SETBP1: variants seen among roughly 807,000 people sequenced by gnomAD.
SETBP1 encodes SET-binding protein.
Under a neutral mutation model 101.0 loss-of-function variants are expected in SETBP1, and 9 were observed. That is an observed-to-expected ratio of 0.09 (90% CI 0.05 to 0.16). SETBP1 has a LOEUF of 0.16. Ranked by LOEUF, SETBP1 falls within the 10% of genes least tolerant of loss-of-function variation. The probability of loss-of-function intolerance (pLI) is 1.00; values close to 1 mark genes in which losing one functional copy is unlikely to be tolerated. For missense variants in SETBP1, 1,858 were observed against 2,033.8 expected, an observed-to-expected ratio of 0.91 and a Z score of 1.66; for synonymous variants, 818 against 788.5, an observed-to-expected ratio of 1.04 and a Z score of -0.63.
upstream of SETBP1, among the ~76,000 whole-genome samples, chr18:44,680,595 G>T (rs2068742686): frequency 6.6e-6 from 1 of 152,188 alleles, no homozygotes; most frequent in East Asian, 1.9e-4. Flanking sequence ...GTCCGGGCGA[G>T]GTTGCAGGAG....
At chr18:44,946,179 C>T (rs2071202771) in intron 3 of SETBP1, among the ~76,000 whole-genome samples, 1 of 152,206 alleles carries the variant, frequency 6.6e-6, no homozygotes, top group African/African-American at 2.4e-5. Context: ...GCACCATTCC[C>T]CCCATTACTC....
intron 4 of SETBP1, among the ~76,000 whole-genome samples, chr18:44,990,927 G>GAAAAA (rs996043221): frequency 4.8e-5 from 3 of 63,076 alleles, no homozygotes; most frequent in Non-Finnish European, 6.6e-5. Context: ...CAGAGAGAGA[G>GAAAAA]AAAAAAAAAA....
At chr18:44,755,132 A>G (rs936634699) in intron 2 of SETBP1, among the ~76,000 whole-genome samples, 1 of 152,244 alleles carries the variant, frequency 6.6e-6, no homozygotes, top group African/African-American at 2.4e-5. Context: ...ATCTTGGACA[A>G]AACAGCTTTT....
chr18:44,691,750 G>T (rs181962895), intron 1 of SETBP1, among the ~76,000 whole-genome samples: 12 of 152,274 alleles, frequency 7.9e-5, no homozygotes, highest in African/African-American at 2.6e-4. Flanking sequence ...CTGATAAAAA[G>T]GTGGAAGGTA....
At chr18:44,686,547 C>G (rs547799069) in intron 1 of SETBP1, among the ~76,000 whole-genome samples, 2 of 152,190 alleles carry the variant, frequency 1.3e-5, no homozygotes, top group Non-Finnish European at 2.9e-5. Flanking sequence ...TCACTTACCC[C>G]CTCCAAGCTC....
chr18:44,713,772 A>G (rs1230063047), intron 2 of SETBP1, among the ~76,000 whole-genome samples: 6 of 152,190 alleles, frequency 3.9e-5, no homozygotes, highest in African/African-American at 1.4e-4. Flanking sequence ...ATCACATCCG[A>G]TAGTCAGTCG....
intron 5 of SETBP1, among the ~76,000 whole-genome samples, chr18:45,055,819 C>T (rs1338171048): frequency 1.3e-5 from 2 of 151,990 alleles, no homozygotes; most frequent in Non-Finnish European, 2.9e-5. Context: ...ACTCTTCATT[C>T]GAAAGTAGTT....
At chr18:44,976,141 C>T (rs1191783771) in intron 4 of SETBP1, among the ~76,000 whole-genome samples, 2 of 151,422 alleles carry the variant, frequency 1.3e-5, no homozygotes, top group Non-Finnish European at 1.5e-5. Flanking sequence ...TGCACATAGA[C>T]ACCAGAGCTT....
At chr18:44,973,754 C>G (rs1037179433) in intron 4 of SETBP1, among the ~76,000 whole-genome samples, 2 of 152,148 alleles carry the variant, frequency 1.3e-5, no homozygotes, top group African/African-American at 4.8e-5. Flanking sequence ...AGGGCTGCCT[C>G]ATGGGGCATG....
Position 44,720,724 on chromosome 18 carries a change from A to G in SETBP1, c.486+18892A>G, listed in dbSNP as rs72907615. Among the ~76,000 whole-genome samples, 952 of 152,242 alleles carry G rather than the reference A, an allele frequency of 6.3e-3. 12 individuals are homozygous for G. Among genetic ancestry groups the G allele is most frequent in the Non-Finnish European group, 0.011 (715 of 68,004 alleles). On this transcript the variant is annotated intron_variant, in intron 2 of 5. Coordinates refer to ENST00000649279, the MANE Select transcript of SETBP1 (RefSeq NM_015559.3). ...AGCATAGGATTTAGGTGGGAGGGAAAGGGGTATAGGCAGTGTGCTTGAACA... is the reference window on the plus strand; with the variant it reads ...AGCATAGGATTTAGGTGGGAGGGAAGGGGGTATAGGCAGTGTGCTTGAACA...
At position 44,952,574 on chromosome 18, in the gene SETBP1, G is replaced by A. The variant is rs150396512; in HGVS notation, c.3234G>A (p.Thr1078=). The A allele has an allele frequency of 1.0e-4, 167 of 1,613,676 alleles. No homozygotes were observed. Among genetic ancestry groups the A allele is most frequent in the African/African-American group, 1.5e-4 (11 of 74,858 alleles). The change falls in exon 4 of 6, where the codon ACG becomes ACA. Residue 1078 remains threonine, a synonymous_variant. Coordinates refer to ENST00000649279, the MANE Select transcript of SETBP1 (RefSeq NM_015559.3). ...QYPAPLYLSH[T]LGAASPFMRP... ...CAGCTCCTTTGTACCTATCGCACACGCTTGGAGCAGCTTCCCCATTCATGA... is the reference window on the plus strand; with the variant it reads ...CAGCTCCTTTGTACCTATCGCACACACTTGGAGCAGCTTCCCCATTCATGA...
chr18:44,971,167 T>C (rs918082763), intron 4 of SETBP1, among the ~76,000 whole-genome samples: 11 of 152,136 alleles, frequency 7.2e-5, no homozygotes, highest in Non-Finnish European at 1.5e-4. Context: ...AGAATGATGG[T>C]TTCCAGCTTC....
At chr18:44,714,330 C>G (rs1433558891) in intron 2 of SETBP1, among the ~76,000 whole-genome samples, 1 of 152,076 alleles carries the variant, frequency 6.6e-6, no homozygotes, top group Non-Finnish European at 1.5e-5. Flanking sequence ...TCCTGAGTAG[C>G]TGGGACTACA....
intron 4 of SETBP1, among the ~76,000 whole-genome samples, chr18:44,965,382 C>T (rs956998035): frequency 2.0e-5 from 3 of 151,912 alleles, no homozygotes; most frequent in Non-Finnish European, 4.4e-5. Context: ...ATACCAAGAG[C>T]ATTTAGAGAG....
At chr18:44,747,092 C>A (rs2070272071) in intron 2 of SETBP1, among the ~76,000 whole-genome samples, 1 of 152,242 alleles carries the variant, frequency 6.6e-6, no homozygotes, top group Non-Finnish European at 1.5e-5. Flanking sequence ...CTTAGGGAAG[C>A]TGCATGTGAA....
At chr18:44,902,294 C>G (rs2070068587) in intron 3 of SETBP1, among the ~76,000 whole-genome samples, 1 of 152,102 alleles carries the variant, frequency 6.6e-6, no homozygotes, top group African/African-American at 2.4e-5. Flanking sequence ...TCCTTTGCTC[C>G]TATCAAACCT....
chr18:44,952,272 C>T lies in SETBP1; in HGVS notation c.2932C>T (p.His978Tyr). The T allele has an allele frequency of 2.5e-6, 4 of 1,614,100 alleles. No homozygotes were observed. Among genetic ancestry groups the T allele is most frequent in the Middle Eastern group, 1.6e-4 (1 of 6,062 alleles). ...CTCCCACCGGAGTTACACCTTCTAC[C>T]ACGAGAATCCATATCCCAGCATTTT... ...RISHRSYTFY[H>Y]ENPYPSIFRI... Residue 978 changes from histidine (H) to tyrosine (Y), a missense_variant, in exon 4 of 6, where the codon CAC becomes TAC. His to Tyr is a moderately conservative substitution (Grantham distance 83). This residue lies in a region of SETBP1 where 255 missense variants were observed against 300.1 expected (regional missense o/e 0.85). Coordinates refer to ENST00000649279, the MANE Select transcript of SETBP1 (RefSeq NM_015559.3).
At chr18:44,862,321 G>C (rs2069031916) in intron 2 of SETBP1, among the ~76,000 whole-genome samples, 1 of 152,190 alleles carries the variant, frequency 6.6e-6, no homozygotes, top group Non-Finnish European at 1.5e-5. Context: ...AGTCATCCTT[G>C]TTGCTCTTTA....
chr18:44,792,471 C>G (rs894762136), intron 2 of SETBP1, among the ~76,000 whole-genome samples: 1 of 152,070 alleles, frequency 6.6e-6, no homozygotes, highest in African/African-American at 2.4e-5. Flanking sequence ...AGGGAGCAAA[C>G]TGTGCACCCA....
Sources: allele counts gnomAD v4.1 joint callset (sites outside exome capture counted in the v4.1 genomes callset), GRCh38; gene constraint gnomAD v4.1.1; regional missense constraint gnomAD v4.1.1; transcripts MANE v1.5; gene names NCBI Gene and HGNC (gene_info 2026-07-23, HGNC 2026-07-21).